GPSM1: variants seen among roughly 807,000 people sequenced by gnomAD.
GPSM1 encodes the protein G protein-signaling modulator 1.
Under a neutral mutation model 70.5 loss-of-function variants are expected in GPSM1, and 48 were observed. That is an observed-to-expected ratio of 0.68 (90% CI 0.54 to 0.87). The LOEUF (loss-of-function observed/expected upper bound fraction) is 0.87. Among genes scored for constraint, GPSM1 ranks in the 40% least tolerant of loss-of-function variants. GPSM1 has a pLI of 0.00. For missense variants in GPSM1, 981 were observed against 972.6 expected (o/e 1.01, Z -0.11); for synonymous variants, 416 against 430.1 (o/e 0.97, Z 0.41).
In GPSM1 at chr9:136,335,992, C is replaced by T. The variant is rs782630674; in HGVS notation, c.317C>T (p.Ala106Val). 1.9e-6 allele frequency: 3 copies of T among 1,612,504 alleles called. No individual in the cohort carries two copies. ...ACCATCGGTGACCGCATGGGGGAGG[C>T]CAAGGCCAGTGGAAACCTGGGAAAC... ...ARTIGDRMGEAKASGNLGNTL... is the reference protein window; with the variant it reads ...ARTIGDRMGEVKASGNLGNTL... The change falls in exon 3 of 14, where the codon GCC becomes GTC. Residue 106 changes from alanine (A) to valine (V), a missense_variant. Coordinates refer to ENST00000440944, the MANE Select transcript of GPSM1 (RefSeq NM_001145638.3).
chr9:136,352,258 G>A lies in GPSM1; in HGVS notation c.1455+2495G>A, dbSNP rs57232660. On this transcript the variant is annotated intron_variant, in intron 11 of 13. Transcript: ENST00000440944. ...CGCCGTTGCTGTTGGTGACACCGAT[G>A]CTGCGCCGTTGCTGTTGGTGACACC... Among the ~76,000 whole-genome samples the A allele has an allele frequency of 9.8e-3, 92 of 9,420 alleles. 14 individuals are homozygous for A. Among genetic ancestry groups the A allele is most frequent in the Middle Eastern group, 0.17 (1 of 6 alleles). 6.2% of individuals were successfully genotyped at this position (9,420 alleles called of 152,430 possible).
chr9:136,337,259 A>C (rs892386311), intron 4 of GPSM1, among the ~76,000 whole-genome samples, 182 bp from the exon 5 acceptor site: 2 of 152,042 alleles, frequency 1.3e-5, no homozygotes, highest in Non-Finnish European at 2.9e-5. Context: ...CCTGTCAGGG[A>C]CTTGGGGGAC....
At position 136,340,900 on chromosome 9, in the gene GPSM1, C is replaced by T. The variant is rs1402306306; in HGVS notation, c.1114C>T (p.Arg372Cys). 17 of 1,575,764 alleles carry T rather than the reference C, an allele frequency of 1.1e-5. No individual in the cohort carries two copies. In the Admixed American group the frequency reaches 1.3e-4, roughly 12 times the overall value. The change falls in exon 9 of 14, where the codon CGC (arginine) becomes TGC (cysteine). Residue 372 changes from arginine to cysteine, a missense_variant. Transcript: ENST00000440944. The surrounding 1 kb of genome is among the most constrained non-coding windows in gnomAD (Gnocchi z 7.3). ...IGDRHGELTA[R>C]MNVAQLQLVL... ...GGACCGCCATGGGGAGCTCACGGCCCGCATGAACGTGGCGCAGCTGCAGCT... is the reference window on the plus strand; with the variant it reads ...GGACCGCCATGGGGAGCTCACGGCCTGCATGAACGTGGCGCAGCTGCAGCT...
chr9:136,354,743 T>G, intron 11 of GPSM1: 3 of 850,168 alleles, frequency 3.5e-6, no homozygotes, highest in Non-Finnish European at 4.2e-6. Flanking sequence ...TTTGGGTGTG[T>G]GGACTGAGGC....
intron 1 of GPSM1, among the ~76,000 whole-genome samples, chr9:136,328,735 A>T (rs1386910762): frequency 1.3e-5 from 2 of 152,086 alleles, no homozygotes; most frequent in Admixed American, 1.3e-4. Context: ...GGTCCCAGAC[A>T]CAGCCCCATT....
intron 13 of GPSM1, among the ~76,000 whole-genome samples, chr9:136,357,686 T>A (rs1410626694): frequency 6.6e-6 from 1 of 152,148 alleles, no homozygotes; most frequent in South Asian, 2.1e-4. Flanking sequence ...TCAGCAGATG[T>A]GGGGAGCAGG....
chr9:136,332,220 G>A (rs782382328), intron 1 of GPSM1: 111 of 398,992 alleles, frequency 2.8e-4, no homozygotes, highest in African/African-American at 9.0e-4. Flanking sequence ...GTGCCAGGGC[G>A]TGGTTGGAGG....
intron 11 of GPSM1, among the ~76,000 whole-genome samples, chr9:136,353,956 G>A (rs573881935): frequency 1.3e-5 from 2 of 152,342 alleles, no homozygotes; most frequent in East Asian, 3.9e-4. Context: ...CCTCCCCACA[G>A]ACTGGGCCAA....
rs186054938 is a variant in GPSM1, at chr9:136,345,285, C to A, written c.1208-3412C>A. 2.6e-3 allele frequency among the ~76,000 whole-genome samples: 397 copies of A among 152,260 alleles called. 1 individual carries two copies. The highest frequency in any genetic ancestry group is 5.6e-3 in the Admixed American group (85 of 15,298). On this transcript the variant is annotated intron_variant, in intron 9 of 13. Transcript: ENST00000440944. ...CGGTCAGCGTCGGGTGGCCATGGGG[C>A]GGTGCTGGGAGAAGTTTCCAAACGT...
intron 9 of GPSM1, among the ~76,000 whole-genome samples, chr9:136,344,981 G>A (rs563329628): frequency 1.3e-5 from 2 of 152,356 alleles, no homozygotes; most frequent in East Asian, 3.9e-4. Flanking sequence ...AGGCAGGTGA[G>A]GGGCAGGTGA....
intron 3 of GPSM1, among the ~76,000 whole-genome samples, chr9:136,336,717 A>C (rs1325396638): frequency 6.6e-5 from 10 of 151,996 alleles, no homozygotes; most frequent in Admixed American, 6.5e-4. Flanking sequence ...CAGAGGAGGG[A>C]GGGATGGTGA....
rs1832901420 is a variant in GPSM1 at position 136,358,322 on chromosome 9, G to A, written c.*102G>A. The A allele has an allele frequency of 1.8e-6, 2 of 1,098,500 alleles. No individual in the cohort carries two copies. Among genetic ancestry groups the A allele is most frequent in the Non-Finnish European group, 2.6e-6 (2 of 767,860 alleles). 68.0% of individuals were successfully genotyped at this position (1,098,500 alleles called of 1,614,324 possible). ...GAGGCCATTGCCGAGGACAGGCACT[G>A]GGCATGCAGCCCCACGGCCTCCCCG... On this transcript the variant is annotated 3_prime_UTR_variant, in exon 14 of 14. Coordinates refer to ENST00000440944, the MANE Select transcript of GPSM1 (RefSeq NM_001145638.3).
chr9:136,337,069 A>C lies in GPSM1; in HGVS notation c.575A>C (p.Tyr192Ser). 1 of 1,550,778 alleles carries C rather than the reference A, an allele frequency of 6.4e-7. No homozygotes were observed. Among genetic ancestry groups the C allele is most frequent in the Non-Finnish European group, 8.7e-7 (1 of 1,147,196 alleles). ...ACCCTGTGCAAGGCCTCCGAGTTCT[A>C]CGAGTGAGTGGGGCAGGGCCAGCCC... is the stretch of plus-strand genomic sequence containing the variant. ...RETLCKASEFYERNLSLVKEL... is the reference protein window; with the variant it reads ...RETLCKASEFSERNLSLVKEL... The change falls in exon 4 of 14, where the codon TAC (tyrosine) becomes TCC (serine). Residue 192 changes from tyrosine (Y) to serine (S), a missense_variant. Coordinates refer to ENST00000440944, the MANE Select transcript of GPSM1 (RefSeq NM_001145638.3).
intron 1 of GPSM1, 86 bp from the exon 2 acceptor site, chr9:136,334,361 G>A (rs1554768843): frequency 1.1e-5 from 10 of 904,086 alleles, no homozygotes; most frequent in East Asian, 2.6e-5. Context: ...ACCCAGGGGC[G>A]TCGTCTGTAG....
At chr9:136,333,708 C>T (rs1409408267) in intron 1 of GPSM1, among the ~76,000 whole-genome samples, 3 of 152,194 alleles carry the variant, frequency 2.0e-5, no homozygotes, top group Admixed American at 6.5e-5. Context: ...CCCACAGCAG[C>T]GCTGGGGGTG....
At chr9:136,355,922 CAG>C in intron 12 of GPSM1, 76 bp downstream of exon 12, 2 of 1,293,950 alleles carry the variant, frequency 1.5e-6, no homozygotes, top group South Asian at 2.7e-5. Context: ...GTCCTGCTTC[CAG>C]TGAGGAGTTT....
Position 136,337,502 on chromosome 9 carries a change from A to C in GPSM1, c.640A>C (p.Asn214His), listed in dbSNP as rs1554769453. 3 of 1,562,516 alleles carry C rather than the reference A, an allele frequency of 1.9e-6. No homozygotes were observed. Among genetic ancestry groups the C allele is most frequent in the Non-Finnish European group, 2.6e-6 (3 of 1,153,400 alleles). Residue 214 changes from asparagine to histidine, a missense_variant, in exon 5 of 14, where the codon AAC (asparagine) becomes CAC (histidine). Transcript: ENST00000440944. ...TGCGGCGCAGGGCAGGGCCTACGGC[A>C]ACCTGGGCAACACCCACTATTTGTT... ...DRAAQGRAYGNLGNTHYLLGN... is the reference protein window; with the variant it reads ...DRAAQGRAYGHLGNTHYLLGN...
At chr9:136,345,359 T>C (rs1351930456) in intron 9 of GPSM1, among the ~76,000 whole-genome samples, 1 of 152,212 alleles carries the variant, frequency 6.6e-6, no homozygotes, top group Non-Finnish European at 1.5e-5. Flanking sequence ...GGGCCGGGCC[T>C]GTCTGGGCAG....
chr9:136,327,794 G>C (rs1164527052), intron 1 of GPSM1, 31 bp downstream of exon 1: 24 of 983,360 alleles, frequency 2.4e-5, no homozygotes, highest in Non-Finnish European at 3.1e-5. Flanking sequence ...GGCCGGGGCC[G>C]GGGCTGGGAC....
Sources: gnomAD v4.1 joint callset for allele counts (sites outside exome capture counted in the v4.1 genomes callset) on GRCh38, gnomAD v4.1.1 for gene constraint, Gnocchi (gnomAD v3.1) non-coding constraint, MANE v1.5 for transcripts, NCBI Gene and HGNC (gene_info 2026-07-23, HGNC 2026-07-21) for gene names.